CDH9: variants seen among roughly 807,000 people sequenced by gnomAD.
CDH9 encodes cadherin-9.
CDH9 carries 28 observed loss-of-function variants against 70.9 expected under a neutral mutation model. The ratio of observed to expected loss-of-function variants is 0.40; its 90% CI spans 0.29 to 0.54. The LOEUF (loss-of-function observed/expected upper bound fraction) is 0.54, where lower values mean the gene tolerates loss of function less well. CDH9 is among the 20% of genes least tolerant of loss of function. The pLI, the probability that CDH9 is intolerant of heterozygous loss-of-function variation, is 0.59. For missense variants in CDH9, 874 were observed against 984.4 expected (o/e 0.89, Z 1.50); for synonymous variants, 409 against 343.1 (o/e 1.19, Z -2.12).
rs114040491 is a variant in CDH9 at position 26,950,615 on chromosome 5, A to G, written c.229-34691T>C. 2.9e-3 allele frequency among the ~76,000 whole-genome samples: 449 copies of G among 152,354 alleles called. 3 individuals carry two copies. The highest frequency in any genetic ancestry group is 0.01 in the African/African-American group (428 of 41,584). On this transcript the variant is annotated intron_variant, in intron 2 of 11. Transcript: ENST00000231021. ...GCATCAGTGACGATTTTTAATAAAA[A>G]TAAAAAATGAAATATTTTGTATAAA... is the stretch of plus-strand genomic sequence containing the variant.
intron 1 of CDH9, among the ~76,000 whole-genome samples, chr5:27,033,880 G>A (rs1336721171): frequency 6.6e-6 from 1 of 151,480 alleles, no homozygotes; most frequent in Non-Finnish European, 1.5e-5. Context: ...TTTATATAAT[G>A]TCTTTTGACC....
intron 3 of CDH9, among the ~76,000 whole-genome samples, chr5:26,913,123 C>G (rs1418457305): frequency 6.6e-6 from 1 of 152,088 alleles, no homozygotes; most frequent in African/African-American, 2.4e-5. Flanking sequence ...ATAAAACAGA[C>G]TAATACACTC....
At chr5:26,957,523 G>A (rs1181887198) in intron 2 of CDH9, among the ~76,000 whole-genome samples, 2 of 152,150 alleles carry the variant, frequency 1.3e-5, no homozygotes, top group Admixed American at 6.5e-5. Flanking sequence ...TTAGCCGGGC[G>A]TGGAGGTATG....
chr5:26,897,036 A>T (rs1341432679), intron 7 of CDH9, among the ~76,000 whole-genome samples: 3 of 152,116 alleles, frequency 2.0e-5, no homozygotes, highest in African/African-American at 7.2e-5. Flanking sequence ...GAATACTATA[A>T]AAACCTCTAT....
chr5:26,881,193 C>A lies in CDH9; in HGVS notation c.2313G>T (p.Gly771=), dbSNP rs754868609. 2 of 1,612,550 alleles carry A rather than the reference C, an allele frequency of 1.2e-6. No individual in the cohort carries two copies. Among genetic ancestry groups the A allele is most frequent in the Non-Finnish European group, 1.7e-6 (2 of 1,178,898 alleles). The change falls in exon 12 of 12, where the codon GGG becomes GGT. Residue 771 remains glycine (G), a synonymous_variant. Transcript: ENST00000231021. Reference sequence around the variant, plus strand: ...TATCGGCAAGTTTTTTGAAACGAGGCCCCCAGTCACTGAGGTAATCATAAT... The same window carrying A: ...TATCGGCAAGTTTTTTGAAACGAGGACCCCAGTCACTGAGGTAATCATAAT... ...NQDYDYLSDW[G]PRFKKLADMY...
chr5:26,933,644 C>T (rs866999342), intron 2 of CDH9, among the ~76,000 whole-genome samples: 6 of 151,640 alleles, frequency 4.0e-5, no homozygotes, highest in South Asian at 2.1e-4. Context: ...CGTGGTGGCG[C>T]GCATCTGTAG....
intron 2 of CDH9, among the ~76,000 whole-genome samples, chr5:26,933,076 A>G (rs1741491898): frequency 1.4e-5 from 2 of 147,388 alleles, no homozygotes; most frequent in South Asian, 2.1e-4. Context: ...TATTTATATT[A>G]TACAAATATA....
intron 2 of CDH9, among the ~76,000 whole-genome samples, chr5:26,943,015 TG>T (rs1741688908): frequency 6.6e-6 from 1 of 152,200 alleles, no homozygotes; most frequent in African/African-American, 2.4e-5. Flanking sequence ...TTAATTATCC[TG>T]TTATATGGGA....
chr5:26,987,014 T>C (rs553413872), intron 2 of CDH9, among the ~76,000 whole-genome samples: 3 of 151,192 alleles, frequency 2.0e-5, no homozygotes, highest in Non-Finnish European at 4.4e-5. Flanking sequence ...ATCAAAATTT[T>C]GGCAATTTCA....
intron 2 of CDH9, among the ~76,000 whole-genome samples, chr5:26,980,984 T>C (rs1579491702): frequency 6.6e-6 from 1 of 152,200 alleles, no homozygotes; most frequent in Admixed American, 6.5e-5. Flanking sequence ...AGGACTAAAT[T>C]TCACATTAAA....
In CDH9 at chr5:26,906,124, T is replaced by C. The variant is rs200215310; in HGVS notation, c.646A>G (p.Ile216Val). The C allele has an allele frequency of 4.4e-6, 7 of 1,608,480 alleles. No individual in the cohort carries two copies. Among genetic ancestry groups the C allele is most frequent in the East Asian group, 2.2e-5 (1 of 44,834 alleles). Residue 216 changes from isoleucine (I) to valine (V), a missense_variant and splice_region_variant, in exon 5 of 12, where the codon ATA becomes GTA. Transcript: ENST00000231021. ...PYFSVDPESGIIKTALPDMSR... is the reference protein window; with the variant it reads ...PYFSVDPESGVIKTALPDMSR... ...ATGTCTGGTAATGCAGTTTTTATTA[T>C]GCCTTTTGGAAAAAGCAGACAAAAG...
intron 11 of CDH9, among the ~76,000 whole-genome samples, 155 bp downstream of exon 11, chr5:26,885,459 C>A (rs1351872686): frequency 6.6e-6 from 1 of 152,058 alleles, no homozygotes; most frequent in Admixed American, 6.6e-5. Flanking sequence ...CACACAAAAA[C>A]GCTTATTTTT....
At chr5:27,002,465 G>A (rs1186098690) in intron 1 of CDH9, among the ~76,000 whole-genome samples, 2 of 152,132 alleles carry the variant, frequency 1.3e-5, no homozygotes, top group Non-Finnish European at 2.9e-5. Context: ...AAAGACACAT[G>A]CACACGTATG....
At chr5:26,890,153 A>C (rs1405803536) in intron 8 of CDH9, among the ~76,000 whole-genome samples, 196 bp from the exon 9 acceptor site, 1 of 152,228 alleles carries the variant, frequency 6.6e-6, no homozygotes, top group Non-Finnish European at 1.5e-5. Flanking sequence ...ATTGAGAATG[A>C]AGTATTATTT....
intron 1 of CDH9, among the ~76,000 whole-genome samples, chr5:27,030,526 TAA>T (rs529569068): frequency 2.9e-4 from 38 of 131,360 alleles, no homozygotes; most frequent in Admixed American, 2.3e-4. Flanking sequence ...AAGCAGGGAT[TAA>T]AAAAAAAAAA....
intron 7 of CDH9, among the ~76,000 whole-genome samples, chr5:26,901,598 C>G (rs980153990): frequency 5.9e-5 from 9 of 151,790 alleles, no homozygotes; most frequent in African/African-American, 2.2e-4. Flanking sequence ...AAATGTTAAG[C>G]AAAGTAGAAT....
intron 2 of CDH9, among the ~76,000 whole-genome samples, chr5:26,983,230 A>T (rs552307380): frequency 3.3e-5 from 5 of 152,212 alleles, no homozygotes; most frequent in Admixed American, 1.3e-4. Flanking sequence ...GTTGACTAGA[A>T]CTCAGGTTAC....
intron 2 of CDH9, among the ~76,000 whole-genome samples, chr5:26,960,864 A>G (rs1338712281): frequency 2.0e-5 from 3 of 152,090 alleles, no homozygotes; most frequent in Admixed American, 6.6e-5. Context: ...GTATTTTACT[A>G]CTAACAATAA....
intron 1 of CDH9, among the ~76,000 whole-genome samples, chr5:26,996,579 A>G (rs1434443543): frequency 1.3e-5 from 2 of 151,982 alleles, no homozygotes; most frequent in Admixed American, 6.6e-5. Context: ...AAAATGATGT[A>G]TCTTCTAAAA....
Sources: allele counts gnomAD v4.1 joint callset (sites outside exome capture counted in the v4.1 genomes callset), GRCh38; gene constraint gnomAD v4.1.1; transcripts MANE v1.5; gene names NCBI Gene and HGNC (gene_info 2026-07-23, HGNC 2026-07-21).